Variants in PBX1 observed in about 807,000 individuals in gnomAD.
The protein encoded by PBX1 is pre-B-cell leukemia transcription factor 1.
In PBX1, 6 loss-of-function variants were observed where a neutral mutation model predicts 53.4. That is an observed-to-expected ratio of 0.11 (90% CI 0.06 to 0.22). PBX1 has a LOEUF of 0.22. PBX1 is among the 10% of genes least tolerant of loss of function. The probability of loss-of-function intolerance (pLI) is 1.00; values close to 1 mark genes in which losing one functional copy is unlikely to be tolerated. For missense variants in PBX1, 251 were observed against 551.4 expected (o/e 0.46, Z 5.46); for synonymous variants, 204 against 212.3 (o/e 0.96, Z 0.34).
At chr1:164,769,853 A>G (rs181094763) in intron 2 of PBX1, 1 of 152,086 alleles carries the variant, frequency 6.6e-6, no homozygotes. Flanking sequence ...TATTCCAGTT[A>G]CCTACCTTTT....
At chr1:164,622,132 G>A (rs1189083995) in intron 2 of PBX1, among the ~76,000 whole-genome samples, 1 of 152,136 alleles carries the variant, frequency 6.6e-6, no homozygotes, top group African/African-American at 2.4e-5. Flanking sequence ...TTTCCGTGTG[G>A]GCCCAGGAGG....
At chr1:164,853,941 T>A (rs1571533024), downstream of PBX1, among the ~76,000 whole-genome samples, 2 of 60,260 alleles carry the variant, frequency 3.3e-5, no homozygotes, top group South Asian at 1.1e-3. Flanking sequence ...ATTTATTTTA[T>A]TTTTTTTTTT....
intron 2 of PBX1, among the ~76,000 whole-genome samples, chr1:164,704,554 C>T (rs983652437): frequency 1.6e-4 from 25 of 152,080 alleles, no homozygotes; most frequent in African/African-American, 4.8e-4. Context: ...ACTGAGAGTA[C>T]GCACATTTTA....
intron 2 of PBX1, chr1:164,630,886 C>A (rs1658367880): frequency 6.6e-6 from 1 of 152,198 alleles, no homozygotes; most frequent in African/African-American, 2.4e-5. Flanking sequence ...CATCATCACA[C>A]ACAAGCCTAA....
chr1:164,852,198 C>T (rs1268482234), downstream of PBX1, among the ~76,000 whole-genome samples: 2 of 152,194 alleles, frequency 1.3e-5, no homozygotes, highest in Non-Finnish European at 2.9e-5. Flanking sequence ...TCCTTTTCTT[C>T]TCTTTGTCTG....
rs116656951 is a variant in PBX1 at position 164,584,650 on chromosome 1, G to A, written c.265+21339G>A. Among the ~76,000 whole-genome samples the A allele has an allele frequency of 4.7e-3, 714 of 152,222 alleles. 10 individuals carry two copies. The highest frequency in any genetic ancestry group is 0.016 in the African/African-American group (666 of 41,528). On this transcript the variant is annotated intron_variant, in intron 2 of 8. Coordinates refer to ENST00000420696, the MANE Select transcript of PBX1 (RefSeq NM_002585.4). ...GTGTGAAGAGTAAGAGGGGTATCAT[G>A]GAGTAGATGGGGGTGAGGTAGAATG...
chr1:164,711,112 GA>G lies in PBX1; in HGVS notation c.266-81381del, dbSNP rs1232257884. Among the ~76,000 whole-genome samples the G allele has an allele frequency of 9.2e-5, 14 of 152,220 alleles. No individual in the cohort carries two copies. In the East Asian group the frequency reaches 2.7e-3, roughly 30 times the overall value. On this transcript the variant is annotated intron_variant, in intron 2 of 8. Transcript: ENST00000420696. ...TACCACTCTGTTTATGGTAACATTTGAGGGGGGAAAATACATCACCCTATGA... is the reference window on the plus strand; with the variant it reads ...TACCACTCTGTTTATGGTAACATTTGGGGGGGAAAATACATCACCCTATGA...
Position 164,781,379 on chromosome 1 carries a change from G to A in PBX1, c.266-11115G>A, listed in dbSNP as rs115584530. 8.3e-3 allele frequency among the ~76,000 whole-genome samples: 1,265 copies of A among 152,190 alleles called. 11 individuals carry two copies. The highest frequency in any genetic ancestry group is 0.014 in the Non-Finnish European group (957 of 68,014). On this transcript the variant is annotated intron_variant, in intron 2 of 8. Transcript: ENST00000420696. ...TGTACCTGACAAATTGAGCAGGCTG[G>A]TTAGAGTAAAAACCTGATTTTATTA...
intron 4 of PBX1, among the ~76,000 whole-genome samples, chr1:164,800,310 G>T (rs1443245230): frequency 6.6e-6 from 1 of 152,184 alleles, no homozygotes; most frequent in Non-Finnish European, 1.5e-5. Context: ...GATGGACAGA[G>T]AGTGCACTCA....
At position 164,674,073 on chromosome 1, in the gene PBX1, C is replaced by T. The variant is rs566032285; in HGVS notation, c.265+110762C>T. Among the ~76,000 whole-genome samples the T allele has an allele frequency of 3.3e-5, 5 of 152,192 alleles. No homozygotes were observed. The South Asian group carries it at 6.2e-4, about 19-fold the overall frequency. On this transcript the variant is annotated intron_variant, in intron 2 of 8. Coordinates refer to ENST00000420696, the MANE Select transcript of PBX1 (RefSeq NM_002585.4). ...GAGTTTCTAACATGAGCCAGTTCCC[C>T]GTCCAGCTGGCCGTTCACCAGGTGT...
At chr1:164,809,943 G>A (rs959675947) in intron 5 of PBX1, among the ~76,000 whole-genome samples, 3 of 152,126 alleles carry the variant, frequency 2.0e-5, no homozygotes, top group African/African-American at 7.2e-5. Context: ...GAATCTTTGA[G>A]GGTGAAATCT....
chr1:164,593,517 A>G (rs968462805), intron 2 of PBX1, among the ~76,000 whole-genome samples: 5 of 152,160 alleles, frequency 3.3e-5, no homozygotes, highest in Non-Finnish European at 7.3e-5. Context: ...CCCCAGCTTC[A>G]GTGGTTACCA....
chr1:164,661,768 G>A (rs929814830), intron 2 of PBX1, among the ~76,000 whole-genome samples: 1 of 151,860 alleles, frequency 6.6e-6, no homozygotes, highest in Non-Finnish European at 1.5e-5. Flanking sequence ...TTTTATTTTT[G>A]GTATTAGTTA....
At chr1:164,647,052 C>A (rs564163971) in intron 2 of PBX1, among the ~76,000 whole-genome samples, 1 of 152,354 alleles carries the variant, frequency 6.6e-6, no homozygotes, top group Non-Finnish European at 1.5e-5. Flanking sequence ...CCAACTTCAA[C>A]CCCTGCACCT....
At chr1:164,774,014 G>C (rs1272633662) in intron 2 of PBX1, among the ~76,000 whole-genome samples, 1 of 152,188 alleles carries the variant, frequency 6.6e-6, no homozygotes, top group Non-Finnish European at 1.5e-5. Flanking sequence ...ATATGAGTAA[G>C]AGAAAAGGAT....
chr1:164,731,831 G>C (rs530317561), intron 2 of PBX1, among the ~76,000 whole-genome samples: 42 of 152,172 alleles, frequency 2.8e-4, no homozygotes, highest in Non-Finnish European at 5.7e-4. Flanking sequence ...GCATGAGCTC[G>C]GCGGCCTGTG....
At chr1:164,682,070 T>C (rs1020139259) in intron 2 of PBX1, 3 of 152,266 alleles carry the variant, frequency 2.0e-5, no homozygotes, top group Non-Finnish European at 4.4e-5. Context: ...TAATATGTCT[T>C]GTTAAAATGC....
intron 2 of PBX1, among the ~76,000 whole-genome samples, chr1:164,672,973 A>G (rs563759236): frequency 2.4e-4 from 37 of 151,754 alleles, no homozygotes; most frequent in Non-Finnish European, 4.0e-4. Context: ...TTCTCCTGCT[A>G]TCTTAAAGCC....
At chr1:164,629,031 C>T (rs1290472899) in intron 2 of PBX1, among the ~76,000 whole-genome samples, 1 of 152,152 alleles carries the variant, frequency 6.6e-6, no homozygotes, top group Non-Finnish European at 1.5e-5. Context: ...GAAGTCAGTG[C>T]TTGTTTGGAC....
Sources: gnomAD v4.1 joint callset for allele counts (sites outside exome capture counted in the v4.1 genomes callset) on GRCh38, gnomAD v4.1.1 for gene constraint, MANE v1.5 for transcripts, NCBI Gene and HGNC (gene_info 2026-07-23, HGNC 2026-07-21) for gene names.